FRMPD4: variants seen among roughly 807,000 people sequenced by gnomAD.
FRMPD4 encodes FERM and PDZ domain-containing protein 4.
A neutral mutation model predicts 94.1 loss-of-function variants in FRMPD4; 22 were observed. The observed-to-expected ratio is 0.23, with a 90% CI of 0.17 to 0.33. The LOEUF (loss-of-function observed/expected upper bound fraction) is 0.33. FRMPD4 is among the 10% of genes least tolerant of loss of function. The pLI is 1.00. For missense variants in FRMPD4, 1,111 were observed against 1,339.9 expected (o/e 0.83, Z 2.67); for synonymous variants, 631 against 548.6 (o/e 1.15, Z -2.10).
At chrX:12,355,619 T>C (rs991612718) in intron 1 of FRMPD4, among the ~76,000 whole-genome samples, 5 of 112,097 alleles carry the variant, frequency 4.5e-5, no homozygotes, top group African/African-American at 1.6e-4. Context: ...ATGAGTGAAT[T>C]TTCTTCCTCC....
chrX:12,259,754 A>G (rs1359735083), intron 1 of FRMPD4, among the ~76,000 whole-genome samples: 2 of 111,670 alleles, frequency 1.8e-5, no homozygotes, highest in East Asian at 5.6e-4. Flanking sequence ...TCTAGGAAGA[A>G]GAGAAGAATG....
chrX:12,699,135 C>T (rs1043237510), intron 9 of FRMPD4, among the ~76,000 whole-genome samples: 1 of 112,178 alleles, frequency 8.9e-6, no homozygotes, highest in Non-Finnish European at 1.9e-5. Context: ...GGTTTTCTCA[C>T]CCCATCCTTT....
At chrX:12,618,021 C>A (rs1414065788) in intron 4 of FRMPD4, among the ~76,000 whole-genome samples, 1 of 111,739 alleles carries the variant, frequency 8.9e-6, no homozygotes, top group Non-Finnish European at 1.9e-5. Context: ...TAGATGAATT[C>A]TGTTCACTTC....
At chrX:12,339,703 G>A (rs769846098) in intron 1 of FRMPD4, among the ~76,000 whole-genome samples, 1 of 108,223 alleles carries the variant, frequency 9.2e-6, no homozygotes, top group African/African-American at 3.4e-5. Flanking sequence ...TGCAACCTCC[G>A]CCTCCTGAGT....
In FRMPD4 at chrX:12,070,021, G is replaced by C. The variant is rs746862575; in HGVS notation, c.95+192003G>C. ...TTTCTAAAGACAAACAAAGAAATGA[G>C]CAGGAGCTAGTGGGGAATGTGGGAC... On this transcript the variant is annotated intron_variant, in intron 3 of 18. Coordinates refer to the FRMPD4 transcript ENST00000640291. Among the ~76,000 whole-genome samples, 4 of 111,779 alleles carry C rather than the reference G, an allele frequency of 3.6e-5. No homozygotes were observed. The Admixed American group carries it at 3.8e-4, about 11-fold the overall frequency.
chrX:11,844,596 G>T (rs761399867), intron 1 of FRMPD4, among the ~76,000 whole-genome samples: 171 of 110,757 alleles, frequency 1.5e-3, no homozygotes, highest in Non-Finnish European at 2.9e-3. Flanking sequence ...TGAGAAATTA[G>T]CTGCTAATCA....
At chrX:12,001,514 G>A (rs953952160) in intron 3 of FRMPD4, among the ~76,000 whole-genome samples, 3 of 112,072 alleles carry the variant, frequency 2.7e-5, no homozygotes, top group African/African-American at 9.7e-5. Context: ...TGTTTTATGA[G>A]TATGGACAAA....
At chrX:12,022,008 T>G (rs2054634354) in intron 3 of FRMPD4, among the ~76,000 whole-genome samples, 1 of 112,109 alleles carries the variant, frequency 8.9e-6, no homozygotes, top group African/African-American at 3.2e-5. Context: ...AGACTTTCTC[T>G]GGGCCTCAGT....
intron 1 of FRMPD4, among the ~76,000 whole-genome samples, chrX:12,267,107 A>C (rs1225768019): frequency 1.8e-5 from 2 of 111,966 alleles, no homozygotes; most frequent in Non-Finnish European, 3.8e-5. Context: ...TTCCAAATGC[A>C]AGGTTTCTGC....
intron 4 of FRMPD4, among the ~76,000 whole-genome samples, chrX:12,640,511 T>C (rs2148460321): frequency 9.0e-6 from 1 of 111,426 alleles, no homozygotes; most frequent in Non-Finnish European, 1.9e-5. Context: ...TTTAGGCATC[T>C]GTCAAGCTGT....
chrX:12,020,868 A>C (rs1209520131), intron 3 of FRMPD4, among the ~76,000 whole-genome samples: 12 of 111,543 alleles, frequency 1.1e-4, no homozygotes, highest in Non-Finnish European at 2.1e-4. Context: ...ATATTGGGAA[A>C]ATTTTTGTCT....
intron 2 of FRMPD4, among the ~76,000 whole-genome samples, chrX:12,526,690 G>T (rs1052736715): frequency 2.7e-5 from 3 of 112,395 alleles, no homozygotes; most frequent in African/African-American, 9.7e-5. Context: ...GCCTTTGACA[G>T]CATCGTGGAA....
intron 3 of FRMPD4, among the ~76,000 whole-genome samples, chrX:12,086,477 G>A (rs2055111826): frequency 8.9e-6 from 1 of 111,983 alleles, no homozygotes; most frequent in Non-Finnish European, 1.9e-5. Context: ...TTCCTGGAAT[G>A]GATATGTGAC....
intron 1 of FRMPD4, among the ~76,000 whole-genome samples, chrX:12,160,757 G>A (rs996244605): frequency 9.0e-6 from 1 of 111,080 alleles, no homozygotes; most frequent in African/African-American, 3.3e-5. Context: ...ATAATTTCTG[G>A]TACAAAATAG....
chrX:12,350,103 A>G, intron 1 of FRMPD4, among the ~76,000 whole-genome samples: 1 of 111,435 alleles, frequency 9.0e-6, no homozygotes, highest in African/African-American at 3.3e-5. Flanking sequence ...CATATAATAC[A>G]CTAATAAAGG....
At chrX:12,232,026 C>G (rs2057015935) in intron 1 of FRMPD4, among the ~76,000 whole-genome samples, 1 of 111,352 alleles carries the variant, frequency 9.0e-6, no homozygotes, top group Non-Finnish European at 1.9e-5. Context: ...AATAATTACT[C>G]TGGAAGAGAA....
intron 1 of FRMPD4, among the ~76,000 whole-genome samples, chrX:12,383,054 G>A (rs2056348540): frequency 9.0e-6 from 1 of 111,581 alleles, no homozygotes; most frequent in South Asian, 3.8e-4. Context: ...CCAAACAGGG[G>A]CAGCAAATTA....
intron 3 of FRMPD4, among the ~76,000 whole-genome samples, chrX:11,991,547 G>C (rs1468947601): frequency 9.0e-6 from 1 of 111,543 alleles, no homozygotes; most frequent in African/African-American, 3.3e-5. Context: ...TCCATCAACA[G>C]GTAGGGATTT....
intron 3 of FRMPD4, among the ~76,000 whole-genome samples, chrX:12,017,518 T>C (rs2054610356): frequency 8.9e-6 from 1 of 112,241 alleles, no homozygotes; most frequent in South Asian, 3.7e-4. Context: ...CAGCCCTTCA[T>C]GAAAGAGCTC....
Sources: gnomAD v4.1 joint callset for allele counts (sites outside exome capture counted in the v4.1 genomes callset) on GRCh38, gnomAD v4.1.1 for gene constraint, MANE v1.5 for transcripts, NCBI Gene and HGNC (gene_info 2026-07-23, HGNC 2026-07-21) for gene names.